The following CNGB3 variants were observed in gnomAD, a reference collection of about 807,000 sequenced individuals.
CNGB3 encodes the protein cyclic nucleotide-gated channel beta-3.
In CNGB3, 86 loss-of-function variants were observed where a neutral mutation model predicts 92.8. The ratio of observed to expected loss-of-function variants is 0.93; its 90% CI spans 0.78 to 1.11. The LOEUF is 1.11. Among genes scored for constraint, CNGB3 ranks in the 50% least tolerant of loss-of-function variants. The probability of loss-of-function intolerance (pLI) is 0.00; values close to 1 mark genes in which losing one functional copy is unlikely to be tolerated. For synonymous variants in CNGB3, 333 were observed against 332.7 expected (o/e 1.00, Z -0.01); for missense variants, 1,026 against 956.8 (o/e 1.07, Z -0.95).
rs147117260 is a variant in CNGB3 at position 86,662,706 on chromosome 8, C to T, written c.852+4219G>A. On this transcript the variant is annotated intron_variant, in intron 6 of 17. Transcript: ENST00000320005. ...TGGTCCCTCCTCTTCCTGTGTGGAA[C>T]CTGGAATTCGAACAGTGGGCACAAG... 2.6e-4 allele frequency among the ~76,000 whole-genome samples: 40 copies of T among 152,214 alleles called. No homozygotes were observed. In the East Asian group the frequency reaches 5.0e-3, roughly 19 times the overall value.
At chr8:86,619,604 C>T (rs1200943149) in intron 13 of CNGB3, among the ~76,000 whole-genome samples, 1 of 151,880 alleles carries the variant, frequency 6.6e-6, no homozygotes, top group Non-Finnish European at 1.5e-5. Context: ...GGAGAAAAAA[C>T]CTACATGAGA....
At chr8:86,738,598 G>T (rs1825285696) in intron 2 of CNGB3, among the ~76,000 whole-genome samples, 1 of 152,138 alleles carries the variant, frequency 6.6e-6, no homozygotes, top group Admixed American at 6.5e-5. Context: ...CCAGCACTTT[G>T]GGAGGCCAAG....
chr8:86,660,298 G>A (rs1272457314), intron 6 of CNGB3: 1 of 331,316 alleles, frequency 3.0e-6, no homozygotes, highest in Non-Finnish European at 5.9e-6. Context: ...ATCACAGGCA[G>A]GGTGGGAGGT....
chr8:86,676,430 G>A (rs145853207), intron 3 of CNGB3, among the ~76,000 whole-genome samples: 2,081 of 152,240 alleles, frequency 0.014, 158 homozygotes, highest in Admixed American at 0.13. Context: ...ACATTTTAAC[G>A]TAAGATCCCA....
At chr8:86,622,376 T>TTC (rs1491214600) in intron 13 of CNGB3, among the ~76,000 whole-genome samples, 1,312 of 26,556 alleles carry the variant, frequency 0.049, 21 homozygotes, top group African/African-American at 0.41. Flanking sequence ...GCCATTCTTC[T>TTC]TTTTTTTTTT....
chr8:86,587,643 G>A (rs1394645460), intron 15 of CNGB3, among the ~76,000 whole-genome samples: 22 of 151,756 alleles, frequency 1.4e-4, no homozygotes, highest in Non-Finnish European at 3.1e-4. Flanking sequence ...AGATCAGATA[G>A]TTGTAGATAT....
intron 13 of CNGB3, among the ~76,000 whole-genome samples, chr8:86,615,021 A>G (rs1375561883): frequency 6.6e-6 from 1 of 152,230 alleles, no homozygotes; most frequent in Non-Finnish European, 1.5e-5. Flanking sequence ...ATACCACAAT[A>G]ACAAAATACA....
rs372302139 is a variant in CNGB3 at position 86,632,817 on chromosome 8, C to A, written c.1255G>T (p.Glu419Ter). 5.0e-6 allele frequency: 8 copies of A among 1,612,750 alleles called. No homozygotes were observed. The highest frequency in any genetic ancestry group is 6.8e-6 in the Non-Finnish European group (8 of 1,179,802). ...GGLPEPQTLF[E>*]IVFQLLNFFS... The stretch of plus-strand genomic sequence containing the variant: ...AAATTCAAGAGTTGAAAAACAATTT[C>A]AAATAAAGTTTGTGGTTCTGGAAGG... The change falls in exon 11 of 18, where the codon GAA becomes TAA. Residue 419 changes from glutamate to a stop codon, truncating the protein, a stop_gained. Coordinates refer to ENST00000320005, the MANE Select transcript of CNGB3 (RefSeq NM_019098.5). LOFTEE classifies it high-confidence loss of function.
intron 2 of CNGB3, among the ~76,000 whole-genome samples, chr8:86,738,268 G>A (rs1175616759): frequency 6.6e-6 from 1 of 152,040 alleles, no homozygotes; most frequent in Non-Finnish European, 1.5e-5. Flanking sequence ...CTAGAAAGGG[G>A]GTCTGGGAAT....
intron 13 of CNGB3, among the ~76,000 whole-genome samples, chr8:86,622,378 T>C (rs796212395): frequency 1.4e-4 from 13 of 90,014 alleles, no homozygotes; most frequent in African/African-American, 2.0e-4. Context: ...CATTCTTCTT[T>C]TTTTTTTTTT....
intron 15 of CNGB3, chr8:86,594,185 G>C: frequency 3.6e-6 from 1 of 274,410 alleles, no homozygotes; most frequent in Non-Finnish European, 7.3e-6. Flanking sequence ...CACCCACTGG[G>C]GCTCCCCCAA....
intron 5 of CNGB3, 82 bp from the exon 6 acceptor site, chr8:86,667,215 G>A: frequency 2.5e-6 from 3 of 1,191,596 alleles, no homozygotes; most frequent in South Asian, 2.6e-5. Context: ...GGGGAGGTTG[G>A]GGCACTACCC....
At chr8:86,578,634 ATACT>A in intron 17 of CNGB3, 51 bp downstream of exon 17, 1 of 1,548,286 alleles carries the variant, frequency 6.5e-7, no homozygotes, top group Non-Finnish European at 8.9e-7. Flanking sequence ...TTGTGTGTAT[ATACT>A]TAGTCTGGGG....
chr8:86,692,701 C>A (rs777569211), intron 3 of CNGB3, among the ~76,000 whole-genome samples: 1 of 152,058 alleles, frequency 6.6e-6, no homozygotes, highest in Admixed American at 6.6e-5. Context: ...ATCTTTTAAG[C>A]GGAGCATTTA....
chr8:86,743,232 G>C (rs1187382581), intron 1 of CNGB3, among the ~76,000 whole-genome samples: 5 of 152,166 alleles, frequency 3.3e-5, no homozygotes, highest in Non-Finnish European at 7.3e-5. Flanking sequence ...TTTCATTTTG[G>C]ATGATGGTAG....
chr8:86,631,629 C>T (rs1287786122), intron 11 of CNGB3, among the ~76,000 whole-genome samples: 2 of 152,056 alleles, frequency 1.3e-5, no homozygotes, highest in Non-Finnish European at 2.9e-5. Context: ...ATCTCTCAAA[C>T]CAGCTTCCTA....
intron 17 of CNGB3, among the ~76,000 whole-genome samples, chr8:86,577,781 A>T (rs1821686385): frequency 6.6e-6 from 1 of 152,184 alleles, no homozygotes. Context: ...GGCACTTAGG[A>T]GCACTAGACA....
At chr8:86,598,355 T>C (rs1822218338) in intron 15 of CNGB3, among the ~76,000 whole-genome samples, 1 of 152,178 alleles carries the variant, frequency 6.6e-6, no homozygotes, top group Non-Finnish European at 1.5e-5. Context: ...TTTGTGACTT[T>C]CTTTGGTGGT....
At chr8:86,680,190 A>G (rs922173235) in intron 3 of CNGB3, among the ~76,000 whole-genome samples, 17 of 152,348 alleles carry the variant, frequency 1.1e-4, no homozygotes, top group African/African-American at 4.1e-4. Context: ...AATGCCATAC[A>G]TCCCGAGATG....
Sources: gnomAD v4.1 joint callset for allele counts (sites outside exome capture counted in the v4.1 genomes callset) on GRCh38, gnomAD v4.1.1 for gene constraint, MANE v1.5 for transcripts, NCBI Gene and HGNC (gene_info 2026-07-23, HGNC 2026-07-21) for gene names.